The following PEAR1 variants were observed in gnomAD, a reference collection of about 807,000 sequenced individuals.
PEAR1 encodes multiple EGF-like domains protein 12.
A neutral mutation model predicts 131.2 loss-of-function variants in PEAR1; 113 were observed. The observed-to-expected ratio is 0.86, with a 90% CI of 0.74 to 1.01. PEAR1 has a LOEUF of 1.01. Among genes scored for constraint, PEAR1 ranks in the 50% least tolerant of loss-of-function variants. The probability of loss-of-function intolerance (pLI) is 0.00; values close to 1 mark genes in which losing one functional copy is unlikely to be tolerated. For synonymous variants in PEAR1, 565 were observed against 523.3 expected (o/e 1.08, Z -1.09); for missense variants, 1,408 against 1,391.1 (o/e 1.01, Z -0.19).
At chr1:156,896,493 G>A (rs574043685) in intron 1 of PEAR1, among the ~76,000 whole-genome samples, 14 of 152,362 alleles carry the variant, frequency 9.2e-5, no homozygotes, top group African/African-American at 2.4e-4. Context: ...CCAGGGTGGC[G>A]GCGAGGGTTG....
In PEAR1 at chr1:156,914,050, A is replaced by G. The variant is rs1344852384; in HGVS notation, c.2912A>G (p.Gln971Arg). The G allele has an allele frequency of 1.2e-6, 2 of 1,608,360 alleles. No homozygotes were observed. Among genetic ancestry groups the G allele is most frequent in the Admixed American group, 1.7e-5 (1 of 59,436 alleles). ...GACAGCCAGAGGCGGCGGCAACCCC[A>G]GCCACAGAGAGACAGTGGCACCTAC... is the stretch of plus-strand genomic sequence containing the variant. Reference protein sequence around the residue: ...FWDSQRRRQPQPQRDSGTYEQ... With the variant: ...FWDSQRRRQPRPQRDSGTYEQ... Residue 971 changes from glutamine to arginine, a missense_variant, in exon 22 of 23, where the codon CAG (glutamine) becomes CGG (arginine). By Grantham distance (43) the Gln-to-Arg change is conservative (BLOSUM62 1). Transcript: ENST00000292357.
Position 156,894,094 on chromosome 1 carries a change from C to T in PEAR1, c.-10+257C>T, listed in dbSNP as rs552287225. Among the ~76,000 whole-genome samples the T allele has an allele frequency of 5.9e-5, 9 of 152,278 alleles. 2 individuals are homozygous for T. In the South Asian group the frequency reaches 1.9e-3, roughly 32 times the overall value. ...ACATGTAAATGAGATGAAATGCTAG[C>T]GAGGTTGTTCCCTAAGCCCCTGGTC... On this transcript the variant is annotated intron_variant, in intron 1 of 22. Transcript: ENST00000292357.
At chr1:156,910,778 A>C (rs946155317) in intron 15 of PEAR1, 35 bp downstream of exon 15, 1 of 1,611,724 alleles carries the variant, frequency 6.2e-7, no homozygotes, top group African/African-American at 1.3e-5. Flanking sequence ...GCATACGTGC[A>C]TGCTGAGAGG....
chr1:156,908,586 G>A lies in PEAR1; in HGVS notation c.1116-69G>A, dbSNP rs1650645059. On this transcript the variant is annotated intron_variant, in intron 9 of 22. Coordinates refer to ENST00000292357, the MANE Select transcript of PEAR1 (RefSeq NM_001080471.3). The surrounding 1 kb of genome is among the most constrained non-coding windows in gnomAD (Gnocchi z 4.2). ...GATGTGCGAATCCCACTGACCACGC[G>A]GAGGGGTCGGGAAGCTGCCCTGCCC... 8 of 1,404,566 alleles carry A rather than the reference G, an allele frequency of 5.7e-6. No homozygotes were observed. Among genetic ancestry groups the A allele is most frequent in the Admixed American group, 2.5e-5 (1 of 40,778 alleles). 87.0% of individuals were successfully genotyped at this position (1,404,566 alleles called of 1,614,324 possible).
Position 156,915,099 on chromosome 1 carries a change from G to T in PEAR1, c.*301G>T. The stretch of plus-strand genomic sequence containing the variant: ...ACTCTGATTTCAGACATGCGTGTGG[G>T]GTACCTTTTCTGTGCATGCTCAGCC... On this transcript the variant is annotated 3_prime_UTR_variant, in exon 23 of 23. Coordinates refer to ENST00000292357, the MANE Select transcript of PEAR1 (RefSeq NM_001080471.3). The T allele has an allele frequency of 2.9e-6, 1 of 339,004 alleles. No individual in the cohort carries two copies. The allele number at this position is 339,004 out of a possible 1,614,324, so 21.0% of individuals were successfully genotyped here. A position where few individuals can be genotyped will look rare whatever the true frequency, so the allele number is the denominator to read the frequency against.
Position 156,907,680 on chromosome 1 carries a change from GGT to G in PEAR1, c.718_719del (p.Val240LeufsTer45). On this transcript the variant is annotated frameshift_variant, in exon 7 of 23. Coordinates refer to ENST00000292357, the MANE Select transcript of PEAR1 (RefSeq NM_001080471.3). LOFTEE classifies it high-confidence loss of function. The part of the protein sequence containing the change: ...CPSTHSCQNG[G>X]VFQTPQGSCS... ...CAGCACCCATTCTTGCCAAAATGGA[GGT>G]GTCTTCCAAACCCCACAGGGCTCCT... 6.2e-7 allele frequency: 1 copy of G among 1,613,988 alleles called. No individual in the cohort carries two copies. The highest frequency in any genetic ancestry group is 8.5e-7 in the Non-Finnish European group (1 of 1,179,906).
intron 1 of PEAR1, 145 bp downstream of exon 1, chr1:156,893,982 G>GGGACTGATGGAGAGA (rs933439526): frequency 6.6e-6 from 1 of 152,580 alleles, no homozygotes; most frequent in African/African-American, 2.4e-5. Context: ...GTAGAAAAGA[G>GGGACTGATGGAGAGA]GGACTGATGG....
At chr1:156,911,184 CTTCTTTCTTTCTTTCTT>C (rs1254120709) in intron 15 of PEAR1, among the ~76,000 whole-genome samples, 1 of 104,420 alleles carries the variant, frequency 9.6e-6, no homozygotes, top group Non-Finnish European at 2.0e-5. Context: ...TCTTTTCTTT[CTTCTTTCTTTCTTTCTT>C]TTCTTTCTTT....
At chr1:156,896,749 G>A (rs1032304787) in intron 1 of PEAR1, among the ~76,000 whole-genome samples, 1 of 152,212 alleles carries the variant, frequency 6.6e-6, no homozygotes, top group African/African-American at 2.4e-5. Context: ...CAGGATGAGG[G>A]CTCAGGCGGT....
chr1:156,907,755 A>G, intron 7 of PEAR1, 25 bp downstream of exon 7: 1 of 1,585,642 alleles, frequency 6.3e-7, no homozygotes, highest in Non-Finnish European at 8.6e-7. Flanking sequence ...GCCTGTGGGC[A>G]TGGGGTGTGG....
At chr1:156,904,720 G>C (rs767803904) in intron 2 of PEAR1, 28 bp from the exon 3 acceptor site, 26 of 1,580,444 alleles carry the variant, frequency 1.6e-5, no homozygotes, top group Non-Finnish European at 2.1e-5. Context: ...TCCTGCCCTC[G>C]GCCCTGACCC....
At position 156,905,308 on chromosome 1, in the gene PEAR1, T is replaced by C; in HGVS notation, c.207-16T>C. 6.2e-7 allele frequency: 1 copy of C among 1,609,024 alleles called. No homozygotes were observed. The highest frequency in any genetic ancestry group is 1.3e-5 in the African/African-American group (1 of 75,004). On this transcript the variant is annotated splice_polypyrimidine_tract_variant and intron_variant, in intron 3 of 22. Coordinates refer to ENST00000292357, the MANE Select transcript of PEAR1 (RefSeq NM_001080471.3). ...ACAGCAGGGAGGGCTGAGGGCCGCCTTCCTGGCCTCCGCAGGGTTGTATAC... is the reference window on the plus strand; with the variant it reads ...ACAGCAGGGAGGGCTGAGGGCCGCCCTCCTGGCCTCCGCAGGGTTGTATAC...
At chr1:156,909,599 A>T in intron 11 of PEAR1, 152 bp from the exon 12 acceptor site, 1 of 868,496 alleles carries the variant, frequency 1.2e-6, no homozygotes, top group Non-Finnish European at 1.7e-6. Context: ...TCCGCATCAA[A>T]TAACTCATAA....
Position 156,912,255 on chromosome 1 carries a change from C to T in PEAR1, c.1960C>T (p.Pro654Ser). ...TGPDCSQPCP[P>S]GHWGENCAQT... The stretch of plus-strand genomic sequence containing the variant: ...CCCCATGTCTCCCGTAGCATGCCCT[C>T]CAGGACACTGGGGAGAAAACTGTGC... The change falls in exon 16 of 23, where the codon CCA becomes TCA. Residue 654 changes from proline to serine, a missense_variant. Physicochemically the swap from Pro to Ser is moderately conservative, Grantham distance 74. Transcript: ENST00000292357. The T allele has an allele frequency of 1.9e-6, 3 of 1,613,146 alleles. No individual in the cohort carries two copies. Among genetic ancestry groups the T allele is most frequent in the Non-Finnish European group, 2.5e-6 (3 of 1,179,598 alleles).
intron 2 of PEAR1, among the ~76,000 whole-genome samples, chr1:156,904,378 G>GA: frequency 6.6e-6 from 1 of 152,300 alleles, no homozygotes; most frequent in African/African-American, 2.4e-5. Context: ...AGGGCGGGGA[G>GA]AAAAGACCCA....
In PEAR1 at chr1:156,914,890, G is replaced by A. The variant is rs957757546; in HGVS notation, c.*92G>A. ...CTAGTGTACCCCTGCCAGGAGCAGG[G>A]AGTGGACCGGCAGGCTGTGAACATG... is the stretch of plus-strand genomic sequence containing the variant. On this transcript the variant is annotated 3_prime_UTR_variant, in exon 23 of 23. Coordinates refer to ENST00000292357, the MANE Select transcript of PEAR1 (RefSeq NM_001080471.3). The A allele has an allele frequency of 1.9e-5, 27 of 1,419,154 alleles. No homozygotes were observed. The highest frequency in any genetic ancestry group is 2.2e-5 in the Non-Finnish European group (23 of 1,041,052). 87.9% of individuals were successfully genotyped at this position (1,419,154 alleles called of 1,614,324 possible).
At position 156,913,780 on chromosome 1, in the gene PEAR1, A is replaced by C. The variant is rs748224714; in HGVS notation, c.2713+20A>C. 2.5e-6 allele frequency: 4 copies of C among 1,613,022 alleles called. No individual in the cohort carries two copies. In the African/African-American group the frequency reaches 5.3e-5, roughly 22 times the overall value. On this transcript the variant is annotated intron_variant, in intron 21 of 22. Transcript: ENST00000292357. Reference sequence around the variant, plus strand: ...ATAAAGGTATGGGCACAGGGGCAACAAGGGAGGTGGCTGAGCTGGGGCTGA... The same window carrying C: ...ATAAAGGTATGGGCACAGGGGCAACCAGGGAGGTGGCTGAGCTGGGGCTGA...
In PEAR1 at chr1:156,908,523, A is replaced by C; in HGVS notation, c.1116-132A>C. On this transcript the variant is annotated intron_variant, in intron 9 of 22. Transcript: ENST00000292357. The surrounding 1 kb of genome is among the most constrained non-coding windows in gnomAD (Gnocchi z 4.2). ...TACTTGCCCCAACCCAGTTTTCAGA[A>C]TAGCGCGGAGCCTCCCTAGTGACCC... 2 of 1,204,266 alleles carry C rather than the reference A, an allele frequency of 1.7e-6. No homozygotes were observed. Among genetic ancestry groups the C allele is most frequent in the Non-Finnish European group, 2.3e-6 (2 of 888,820 alleles). The allele number at this position is 1,204,266 out of a possible 1,614,324, so 74.6% of individuals were successfully genotyped here.
chr1:156,913,395 C>T lies in PEAR1; in HGVS notation c.2516C>T (p.Pro839Leu). 6.3e-7 allele frequency: 1 copy of T among 1,598,902 alleles called. No homozygotes were observed. The highest frequency in any genetic ancestry group is 8.5e-7 in the Non-Finnish European group (1 of 1,179,614). The change falls in exon 20 of 23, where the codon CCA (proline) becomes CTA (leucine). Residue 839 changes from proline to leucine, a missense_variant. Transcript: ENST00000292357. ...TCCTGCACTGTCCCCTCTTAGGTTCCAGGCCCGCTCTTTGCCAGCCTGCAG... is the reference window on the plus strand; with the variant it reads ...TCCTGCACTGTCCCCTCTTAGGTTCTAGGCCCGCTCTTTGCCAGCCTGCAG... ...SPNPPPPNKV[P>L]GPLFASLQNP...
Sources: allele counts gnomAD v4.1 joint callset (sites outside exome capture counted in the v4.1 genomes callset), GRCh38; gene constraint gnomAD v4.1.1; non-coding constraint Gnocchi (gnomAD v3.1); transcripts MANE v1.5; gene names NCBI Gene and HGNC (gene_info 2026-07-23, HGNC 2026-07-21).